The following SHC3 variants were observed in gnomAD, a reference collection of about 807,000 sequenced individuals.
SHC3 encodes the protein SHC adaptor protein 3.
A neutral mutation model predicts 60.4 loss-of-function variants in SHC3; 15 were observed. That is an observed-to-expected ratio of 0.25 (90% CI 0.17 to 0.38). The LOEUF (loss-of-function observed/expected upper bound fraction) is 0.38. Ranked by LOEUF, SHC3 falls within the 10% of genes least tolerant of loss-of-function variation. The probability of loss-of-function intolerance (pLI) is 1.00; values close to 1 mark genes in which losing one functional copy is unlikely to be tolerated. For synonymous variants in SHC3, 294 were observed against 325.9 expected (o/e 0.90, Z 1.05); for missense variants, 677 against 786.1 (o/e 0.86, Z 1.66).
intron 2 of SHC3, chr9:89,088,497 C>G (rs1189361606): frequency 6.6e-6 from 1 of 152,196 alleles, no homozygotes; most frequent in African/African-American, 2.4e-5. Context: ...AAAACCTCTT[C>G]AAATGTTTTA....
At chr9:89,069,996 AG>A (rs1825243858) in intron 5 of SHC3, among the ~76,000 whole-genome samples, 1 of 152,258 alleles carries the variant, frequency 6.6e-6, no homozygotes, top group African/African-American at 2.4e-5. Flanking sequence ...AGTAAAACAC[AG>A]GGTCCTCAAC....
chr9:89,051,859 T>C (rs917329522), intron 7 of SHC3, among the ~76,000 whole-genome samples, 178 bp downstream of exon 7: 1 of 152,252 alleles, frequency 6.6e-6, no homozygotes, highest in Non-Finnish European at 1.5e-5. Flanking sequence ...CATCCATATG[T>C]TGGCTTCCAT....
intron 10 of SHC3, among the ~76,000 whole-genome samples, chr9:89,040,106 C>T (rs1250517928): frequency 6.7e-6 from 1 of 148,620 alleles, no homozygotes; most frequent in African/African-American, 2.5e-5. Context: ...GCATCATCAC[C>T]ACCATCATCA....
At chr9:89,046,091 G>A (rs1295397305) in intron 8 of SHC3, among the ~76,000 whole-genome samples, 8 of 73,934 alleles carry the variant, frequency 1.1e-4, no homozygotes, top group Admixed American at 5.9e-4. Flanking sequence ...CACCCCTCCC[G>A]AAGTGTGACT....
At chr9:89,152,780 C>G (rs1826562401) in intron 1 of SHC3, among the ~76,000 whole-genome samples, 2 of 152,164 alleles carry the variant, frequency 1.3e-5, no homozygotes, top group Non-Finnish European at 2.9e-5. Flanking sequence ...GGATTCTGCA[C>G]CATCAAAGTT....
At chr9:89,059,304 AC>A (rs1825021723) in intron 6 of SHC3, among the ~76,000 whole-genome samples, 2 of 103,442 alleles carry the variant, frequency 1.9e-5, no homozygotes, top group African/African-American at 4.1e-5. Context: ...ATGGTGGAGG[AC>A]GGTGGTGGAG....
At chr9:89,067,346 C>A (rs1825200163) in intron 5 of SHC3, among the ~76,000 whole-genome samples, 1 of 152,150 alleles carries the variant, frequency 6.6e-6, no homozygotes, top group Non-Finnish European at 1.5e-5. Context: ...GGTGTCTTCT[C>A]CAGTGTTTGA....
intron 6 of SHC3, among the ~76,000 whole-genome samples, chr9:89,063,232 C>T (rs970535233): frequency 4.6e-5 from 7 of 152,098 alleles, no homozygotes; most frequent in South Asian, 2.1e-4. Flanking sequence ...CAGGTTCAAG[C>T]GATTCTTCTG....
At chr9:89,017,817 T>A (rs1826122029) in intron 11 of SHC3, among the ~76,000 whole-genome samples, 1 of 152,046 alleles carries the variant, frequency 6.6e-6, no homozygotes, top group Admixed American at 6.6e-5. Context: ...AACAACCCCA[T>A]CAAAAAGTGG....
chr9:89,023,120 G>A (rs995521042), intron 11 of SHC3, among the ~76,000 whole-genome samples: 1 of 152,164 alleles, frequency 6.6e-6, no homozygotes, highest in East Asian at 1.9e-4. Flanking sequence ...TATGAGAAGC[G>A]AACACTCAGG....
At chr9:89,131,089 C>G (rs1587743911) in intron 1 of SHC3, among the ~76,000 whole-genome samples, 1 of 152,032 alleles carries the variant, frequency 6.6e-6, no homozygotes, top group African/African-American at 2.4e-5. Flanking sequence ...ACCACCTATC[C>G]CACAGAAATA....
chr9:89,054,911 A>T (rs1225184320), intron 6 of SHC3, among the ~76,000 whole-genome samples: 1 of 152,228 alleles, frequency 6.6e-6, no homozygotes, highest in East Asian at 1.9e-4. Context: ...CAATAAAAAA[A>T]GCTGAAGCCA....
intron 11 of SHC3, among the ~76,000 whole-genome samples, chr9:89,020,338 T>G (rs1587677066): frequency 1.3e-5 from 2 of 150,314 alleles, no homozygotes; most frequent in African/African-American, 2.5e-5. Context: ...GGCAGGGAGG[T>G]GGGGTGCCAG....
At chr9:89,170,427 C>T (rs528482813) in intron 1 of SHC3, among the ~76,000 whole-genome samples, 1 of 152,342 alleles carries the variant, frequency 6.6e-6, no homozygotes, top group East Asian at 1.9e-4. Context: ...AGACAGATCA[C>T]TTGAGGCCAG....
At chr9:89,117,683 T>C (rs2118131313) in intron 1 of SHC3, among the ~76,000 whole-genome samples, 1 of 152,288 alleles carries the variant, frequency 6.6e-6, no homozygotes, top group Non-Finnish European at 1.5e-5. Context: ...TCTGAGAGTC[T>C]TGTTTTCCTT....
chr9:89,075,167 C>T lies in SHC3; in HGVS notation c.671G>A (p.Ser224Asn), dbSNP rs35046724. Reference sequence around the variant, plus strand: ...GGCCGTGGAGATGGTCAGAGAGATGCTCATTCCCGCAAACTGGAGGTTGCT... The same window carrying T: ...GGCCGTGGAGATGGTCAGAGAGATGTTCATTCCCGCAAACTGGAGGTTGCT... Reference protein sequence around the residue: ...GKSNLQFAGMSISLTISTASL... With the variant: ...GKSNLQFAGMNISLTISTASL... Residue 224 changes from serine (S) to asparagine (N), a missense_variant, in exon 4 of 12, where the codon AGC (serine) becomes AAC (asparagine). By Grantham distance (46) the Ser-to-Asn change is conservative. Transcript: ENST00000375835. 25,608 of 1,613,934 alleles carry T rather than the reference C, an allele frequency of 0.016. 285 individuals carry two copies. The highest frequency in any genetic ancestry group is 0.025 in the Middle Eastern group (153 of 6,062).
chr9:89,090,094 T>C (rs1183963129), intron 2 of SHC3, among the ~76,000 whole-genome samples: 1 of 152,208 alleles, frequency 6.6e-6, no homozygotes, highest in Non-Finnish European at 1.5e-5. Flanking sequence ...TCTCATTTGA[T>C]TTCTATGACA....
rs550106731 is a variant in SHC3, at chr9:89,161,033, TGTC to T, written c.474+16951_474+16953del. 1.6e-3 allele frequency among the ~76,000 whole-genome samples: 246 copies of T among 152,312 alleles called. 1 individual carries two copies. The highest frequency in any genetic ancestry group is 5.4e-3 in the African/African-American group (226 of 41,562). ...TGCCCTGCAGCTGCTCCCATTCCTC[TGTC>T]GTCTGTCGCATATGAAGTATTTAAC... On this transcript the variant is annotated intron_variant, in intron 1 of 11. Coordinates refer to ENST00000375835, the MANE Select transcript of SHC3 (RefSeq NM_016848.6).
intron 2 of SHC3, among the ~76,000 whole-genome samples, chr9:89,104,297 C>A (rs910139303): frequency 6.6e-6 from 1 of 152,184 alleles, no homozygotes; most frequent in Non-Finnish European, 1.5e-5. Flanking sequence ...GGATGGGCAG[C>A]ATGAGCAACC....
Sources: allele counts gnomAD v4.1 joint callset (sites outside exome capture counted in the v4.1 genomes callset), GRCh38; gene constraint gnomAD v4.1.1; transcripts MANE v1.5; gene names NCBI Gene and HGNC (gene_info 2026-07-23, HGNC 2026-07-21).